The following CDK14 variants were observed in gnomAD, a reference collection of about 807,000 sequenced individuals.
CDK14 encodes the protein cyclin-dependent kinase 14.
In CDK14, 34 loss-of-function variants were observed where a neutral mutation model predicts 60.7. That is an observed-to-expected ratio of 0.56 (90% CI 0.43 to 0.75). The LOEUF is 0.75. Ranked by LOEUF, CDK14 falls within the 30% of genes least tolerant of loss-of-function variation. The pLI, the probability that CDK14 is intolerant of heterozygous loss-of-function variation, is 0.00. For synonymous variants in CDK14, 197 were observed against 203.7 expected, an observed-to-expected ratio of 0.97 and a Z score of 0.28; for missense variants, 482 against 564.1, an observed-to-expected ratio of 0.85 and a Z score of 1.47.
chr7:90,946,731 C>T (rs568627859), intron 8 of CDK14, among the ~76,000 whole-genome samples: 1 of 152,298 alleles, frequency 6.6e-6, no homozygotes, highest in South Asian at 2.1e-4. Context: ...TTATTTATTA[C>T]ATGCCCTTTA....
chr7:91,057,754 C>T (rs1423330176), intron 11 of CDK14, among the ~76,000 whole-genome samples: 2 of 152,204 alleles, frequency 1.3e-5, no homozygotes, highest in African/African-American at 4.8e-5. Context: ...TGTTCTGTTC[C>T]ATTGGTCTAT....
chr7:91,108,852 A>G (rs909143493), intron 12 of CDK14, among the ~76,000 whole-genome samples: 1 of 152,212 alleles, frequency 6.6e-6, no homozygotes, highest in African/African-American at 2.4e-5. Context: ...CCAGACCAAA[A>G]AAGTCTTAAA....
chr7:91,157,646 A>G (rs904718729), intron 14 of CDK14, among the ~76,000 whole-genome samples: 1 of 152,164 alleles, frequency 6.6e-6, no homozygotes, highest in African/African-American at 2.4e-5. Flanking sequence ...CCCATTTCCC[A>G]TCTAGAGAGT....
chr7:90,835,149 C>T (rs562039484), intron 5 of CDK14, among the ~76,000 whole-genome samples: 62 of 151,852 alleles, frequency 4.1e-4, no homozygotes, highest in African/African-American at 1.4e-3. Flanking sequence ...GAGGTTTTTG[C>T]GAGACAGAAA....
At position 90,722,336 on chromosome 7, in the gene CDK14, T is replaced by C. The variant is rs551343312; in HGVS notation, c.124-4231T>C. Among the ~76,000 whole-genome samples, 3 of 152,174 alleles carry C rather than the reference T, an allele frequency of 2.0e-5. No homozygotes were observed. In the East Asian group the frequency reaches 5.8e-4, roughly 30 times the overall value. ...TGTCCACCTCAGCCTCCTGAGTAGG[T>C]GGGACTACAGGTGTGCACCACCACA... On this transcript the variant is annotated intron_variant, in intron 2 of 14. Coordinates refer to ENST00000380050, the MANE Select transcript of CDK14 (RefSeq NM_001287135.2).
chr7:90,649,288 C>CTTTCT (rs1800543046), intron 2 of CDK14, among the ~76,000 whole-genome samples: 2 of 63,676 alleles, frequency 3.1e-5, no homozygotes, highest in African/African-American at 1.6e-4. Flanking sequence ...TTCTTTCTTT[C>CTTTCT]TTTCTTTCTT....
chr7:91,210,581 A>T lies in CDK14; in HGVS notation c.*3445A>T, dbSNP rs555421618. The T allele has an allele frequency of 1.5e-4, 23 of 152,232 alleles. No homozygotes were observed. The highest frequency in any genetic ancestry group is 5.5e-4 in the African/African-American group (23 of 41,548). 9.4% of individuals were successfully genotyped at this position (152,232 alleles called of 1,614,324 possible). ...CATGATATGGAATAAAGTATAGCAGAATCTCCGTACATGTTCTAGGTACAT... is the reference window on the plus strand; with the variant it reads ...CATGATATGGAATAAAGTATAGCAGTATCTCCGTACATGTTCTAGGTACAT... On this transcript the variant is annotated 3_prime_UTR_variant, in exon 15 of 15. Transcript: ENST00000380050.
At chr7:90,837,357 G>A (rs946891905) in intron 5 of CDK14, among the ~76,000 whole-genome samples, 1 of 147,986 alleles carries the variant, frequency 6.8e-6, no homozygotes, top group Non-Finnish European at 1.5e-5. Flanking sequence ...GTACAATCTC[G>A]GCTCACTGCA....
At chr7:91,152,076 G>A (rs1427680992) in intron 14 of CDK14, among the ~76,000 whole-genome samples, 1 of 152,162 alleles carries the variant, frequency 6.6e-6, no homozygotes, top group Admixed American at 6.6e-5. Context: ...TTCCTCATGT[G>A]GTTACAACTT....
At chr7:91,102,991 C>T (rs892744532) in intron 12 of CDK14, among the ~76,000 whole-genome samples, 20 of 152,180 alleles carry the variant, frequency 1.3e-4, no homozygotes, top group African/African-American at 4.8e-4. Context: ...CGATAGTTCA[C>T]ACCTATAATC....
chr7:90,639,780 AGCTTCCCG>A (rs999596493), intron 2 of CDK14, among the ~76,000 whole-genome samples: 47 of 151,964 alleles, frequency 3.1e-4, no homozygotes, highest in Admixed American at 2.2e-3. Flanking sequence ...ACCCAGTTCG[AGCTTCCCG>A]GCTGCTTTGT....
chr7:91,060,704 C>T (rs1797755451), intron 11 of CDK14, among the ~76,000 whole-genome samples: 1 of 152,162 alleles, frequency 6.6e-6, no homozygotes, highest in Non-Finnish European at 1.5e-5. Context: ...AAATTCTTTT[C>T]TTTAAGAATG....
At chr7:90,693,117 T>A (rs1801589344) in intron 2 of CDK14, among the ~76,000 whole-genome samples, 1 of 152,180 alleles carries the variant, frequency 6.6e-6, no homozygotes, top group African/African-American at 2.4e-5. Flanking sequence ...TATTTCAGAT[T>A]TTATACATAT....
chr7:91,067,763 T>G (rs907371818), intron 11 of CDK14, among the ~76,000 whole-genome samples: 6 of 152,190 alleles, frequency 3.9e-5, no homozygotes, highest in African/African-American at 1.4e-4. Context: ...AGCATTGTAT[T>G]TCTGGAAAAA....
chr7:90,875,462 A>T (rs1791524475), intron 6 of CDK14, among the ~76,000 whole-genome samples: 1 of 152,108 alleles, frequency 6.6e-6, no homozygotes, highest in Non-Finnish European at 1.5e-5. Flanking sequence ...ACCATTTTAC[A>T]ATCCAACCAG....
At chr7:90,763,083 A>G (rs778420233) in intron 4 of CDK14, among the ~76,000 whole-genome samples, 1 of 152,222 alleles carries the variant, frequency 6.6e-6, no homozygotes, top group African/African-American at 2.4e-5. Flanking sequence ...ACATGATGAT[A>G]AAGAGCTTAG....
intron 14 of CDK14, among the ~76,000 whole-genome samples, chr7:91,151,661 G>C (rs905748394): frequency 2.0e-5 from 3 of 152,128 alleles, no homozygotes; most frequent in African/African-American, 7.2e-5. Flanking sequence ...TCCACATTTG[G>C]TTCTAAAAGG....
chr7:90,983,787 T>C (rs983955869), intron 9 of CDK14, among the ~76,000 whole-genome samples: 1 of 152,114 alleles, frequency 6.6e-6, no homozygotes, highest in African/African-American at 2.4e-5. Flanking sequence ...AAATACTGCA[T>C]GTTGTCATTC....
Position 90,704,901 on chromosome 7 carries a change from A to G in CDK14, c.124-21666A>G, listed in dbSNP as rs116976206. Among the ~76,000 whole-genome samples, 991 of 152,280 alleles carry G rather than the reference A, an allele frequency of 6.5e-3. 3 individuals are homozygous for G. The highest frequency in any genetic ancestry group is 0.011 in the Non-Finnish European group (749 of 68,020). On this transcript the variant is annotated intron_variant, in intron 2 of 14. Transcript: ENST00000380050. ...AGTGACATCAGAAGAGAATTAAGTC[A>G]TAAAGTTTTTAGGGTTCACAAAAAG...
Sources: allele counts gnomAD v4.1 joint callset (sites outside exome capture counted in the v4.1 genomes callset), GRCh38; gene constraint gnomAD v4.1.1; transcripts MANE v1.5; gene names NCBI Gene and HGNC (gene_info 2026-07-23, HGNC 2026-07-21).